DOCK9: variants seen among roughly 807,000 people sequenced by gnomAD.
The protein encoded by DOCK9 is dedicator of cytokinesis 9, also known as dedicator of cytokinesis protein 9.
A neutral mutation model predicts 263.3 loss-of-function variants in DOCK9; 89 were observed. That is an observed-to-expected ratio of 0.34 (90% confidence interval 0.28 to 0.40). The LOEUF (loss-of-function observed/expected upper bound fraction) is 0.40, where lower values mean the gene tolerates loss of function less well. Among genes scored for constraint, DOCK9 ranks in the 10% least tolerant of loss-of-function variants. The pLI is 1.00. For synonymous variants in DOCK9, 976 were observed against 973.1 expected, an observed-to-expected ratio of 1.00 and a Z score of -0.06; for missense variants, 2,140 against 2,603.4, an observed-to-expected ratio of 0.82 and a Z score of 3.87.
intron 27 of DOCK9, among the ~76,000 whole-genome samples, chr13:98,875,664 G>T (rs1237473555): frequency 6.6e-6 from 1 of 152,228 alleles, no homozygotes; most frequent in African/African-American, 2.4e-5. Context: ...GGCAGAGAGT[G>T]AGGAGAGGAC....
chr13:99,038,287 C>CTTTT (rs1555298970), intron 1 of DOCK9, among the ~76,000 whole-genome samples: 576 of 48,528 alleles, frequency 0.012, 17 homozygotes, highest in East Asian at 0.036. Flanking sequence ...TTTATGCCCC[C>CTTTT]CTTTTTTTTT....
intron 1 of DOCK9, among the ~76,000 whole-genome samples, chr13:99,064,747 G>T (rs2041343253): frequency 6.6e-6 from 1 of 152,208 alleles, no homozygotes. Context: ...GACAGTGGTG[G>T]AGAAGACAGC....
At chr13:98,820,756 C>T (rs2092223248) in intron 45 of DOCK9, 1 of 366,940 alleles carries the variant, frequency 2.7e-6, no homozygotes, top group Non-Finnish European at 5.3e-6. Flanking sequence ...TATCTAGACA[C>T]TCTCAAGTCT....
intron 1 of DOCK9, among the ~76,000 whole-genome samples, chr13:99,043,360 G>A (rs7139726): frequency 6.6e-6 from 1 of 152,104 alleles, no homozygotes; most frequent in African/African-American, 2.4e-5. Context: ...GCTGTAGGCT[G>A]CCTGAAGCCT....
At chr13:98,796,124 T>C in intron 52 of DOCK9, 3 of 1,049,508 alleles carry the variant, frequency 2.9e-6, no homozygotes, top group Non-Finnish European at 4.3e-6. Flanking sequence ...TATGCCAATG[T>C]CTGTAGTTGC....
intron 1 of DOCK9, among the ~76,000 whole-genome samples, chr13:99,001,902 C>G (rs543375174): frequency 1.3e-5 from 2 of 152,188 alleles, no homozygotes; most frequent in African/African-American, 2.4e-5. Flanking sequence ...CCTATGAAAG[C>G]TGGATCTGTC....
chr13:98,910,574 A>G (rs1005744420), intron 9 of DOCK9, among the ~76,000 whole-genome samples: 27 of 152,266 alleles, frequency 1.8e-4, no homozygotes, highest in Admixed American at 1.6e-3. Context: ...CACTGAAACA[A>G]CTTCCTGTCG....
At chr13:98,957,918 C>T (rs953342605) in intron 1 of DOCK9, among the ~76,000 whole-genome samples, 3 of 150,014 alleles carry the variant, frequency 2.0e-5, no homozygotes, top group South Asian at 4.2e-4. Flanking sequence ...TTCATGACAG[C>T]CCCAGCTGCC....
chr13:98,967,249 C>T (rs1387761288), intron 1 of DOCK9, among the ~76,000 whole-genome samples: 1 of 152,230 alleles, frequency 6.6e-6, no homozygotes, highest in African/African-American at 2.4e-5. Context: ...CAGGGTTCTA[C>T]ATACAGTGCC....
rs147037964 is a variant in DOCK9, at chr13:98,914,030, T to C, written c.960+298A>G. Among the ~76,000 whole-genome samples, 313 of 152,278 alleles carry C rather than the reference T, an allele frequency of 2.1e-3. 3 individuals are homozygous for C. Among genetic ancestry groups the C allele is most frequent in the African/African-American group, 7.1e-3 (297 of 41,552 alleles). ...AAAGTACGATGCTATTATGAGAACA[T>C]CTGCCTGCATATTTCAGTTATTTCT... On this transcript the variant is annotated intron_variant, in intron 9 of 52. Coordinates refer to ENST00000682017, the MANE Select transcript of DOCK9 (RefSeq NM_001366683.2).
intron 45 of DOCK9, 68 bp downstream of exon 45, chr13:98,824,330 T>C: frequency 7.2e-7 from 1 of 1,396,670 alleles, no homozygotes; most frequent in Non-Finnish European, 1.0e-6. Context: ...TCTGATGCAC[T>C]AGCAATGCAA....
intron 1 of DOCK9, 135 bp downstream of exon 1, chr13:98,977,649 G>C (rs936271063): frequency 2.9e-6 from 2 of 678,180 alleles, no homozygotes; most frequent in South Asian, 2.5e-5. Flanking sequence ...TACAGGGAAA[G>C]AGTGGAGTTC....
At chr13:98,890,745 T>A (rs1485021303) in intron 15 of DOCK9, among the ~76,000 whole-genome samples, 3 of 152,202 alleles carry the variant, frequency 2.0e-5, no homozygotes, top group Non-Finnish European at 4.4e-5. Context: ...CATCTTGGAA[T>A]ATTTGTCACC....
chr13:99,084,766 G>A (rs1179885725), intron 1 of DOCK9, among the ~76,000 whole-genome samples: 2 of 152,134 alleles, frequency 1.3e-5, no homozygotes, highest in Non-Finnish European at 2.9e-5. Context: ...ACCACGGCAG[G>A]CCCCAGATAA....
In DOCK9 at chr13:98,803,490, AG is replaced by A. The variant is rs1566525694; in HGVS notation, c.5725+1508del. 4.6e-5 allele frequency among the ~76,000 whole-genome samples: 7 copies of A among 152,332 alleles called. No individual in the cohort carries two copies. In the South Asian group the frequency reaches 1.4e-3, roughly 32 times the overall value. ...ACAAAGAGCTGGGCCCCGCCCCCAG[AG>A]TTTCTGATCCAGCAGTTTCGGAGGT... is the stretch of plus-strand genomic sequence containing the variant. On this transcript the variant is annotated intron_variant, in intron 49 of 52. Coordinates refer to ENST00000682017, the MANE Select transcript of DOCK9 (RefSeq NM_001366683.2).
intron 1 of DOCK9, among the ~76,000 whole-genome samples, chr13:99,053,513 G>C (rs540915956): frequency 2.6e-5 from 4 of 152,200 alleles, no homozygotes; most frequent in South Asian, 4.2e-4. Context: ...TGCTTTCTAA[G>C]GTATTCTTTC....
At chr13:98,800,538 C>A (rs2089997271) in intron 49 of DOCK9, 60 bp from the exon 50 acceptor site, 17 of 1,558,020 alleles carry the variant, frequency 1.1e-5, no homozygotes, top group Non-Finnish European at 1.4e-5. Flanking sequence ...TGTTATTGAG[C>A]TGATTATTAT....
chr13:98,807,603 A>C, intron 48 of DOCK9, 58 bp downstream of exon 48: 1 of 1,390,826 alleles, frequency 7.2e-7, no homozygotes, highest in South Asian at 1.8e-5. Context: ...AAAAATATAT[A>C]ATATGTAATC....
intron 1 of DOCK9, among the ~76,000 whole-genome samples, chr13:99,070,827 A>G (rs11620127): frequency 0.094 from 14,367 of 152,320 alleles, 751 homozygotes; most frequent in Middle Eastern, 0.15. Flanking sequence ...CTGCATTTCT[A>G]TGTTTAGAAC....
Sources: gnomAD v4.1 joint callset for allele counts (sites outside exome capture counted in the v4.1 genomes callset) on GRCh38, gnomAD v4.1.1 for gene constraint, MANE v1.5 for transcripts, NCBI Gene and HGNC (gene_info 2026-07-23, HGNC 2026-07-21) for gene names.